Variants in KAZN observed in about 807,000 individuals in gnomAD.
KAZN encodes kazrin.
A neutral mutation model predicts 87.4 loss-of-function variants in KAZN; 40 were observed. The ratio of observed to expected loss-of-function variants is 0.46; its 90% CI spans 0.36 to 0.60. KAZN has a LOEUF of 0.60. KAZN is among the 20% of genes least tolerant of loss of function. The pLI, the probability that KAZN is intolerant of heterozygous loss-of-function variation, is 0.00. For missense variants in KAZN, 898 were observed against 1,073.9 expected (o/e 0.84, Z 2.29); for synonymous variants, 466 against 458.3 (o/e 1.02, Z -0.22).
intron 2 of KAZN, among the ~76,000 whole-genome samples, chr1:15,004,031 T>G (rs979467048): frequency 2.0e-5 from 3 of 152,188 alleles, no homozygotes; most frequent in Non-Finnish European, 4.4e-5. Flanking sequence ...GATTGTCTTC[T>G]GTTCTTGGCA....
chr1:13,996,424 A>G (rs898310691), intron 1 of KAZN, among the ~76,000 whole-genome samples: 1 of 152,122 alleles, frequency 6.6e-6, no homozygotes, highest in Non-Finnish European at 1.5e-5. Context: ...AGGACCCACA[A>G]CAGCCTAACA....
intron 1 of KAZN, among the ~76,000 whole-genome samples, chr1:14,175,609 CA>C (rs1348250928): frequency 6.6e-6 from 1 of 152,118 alleles, no homozygotes; most frequent in Non-Finnish European, 1.5e-5. Context: ...GTAGTGTACG[CA>C]AAAGAAAGAA....
At chr1:14,476,223 C>A (rs974737968) in intron 2 of KAZN, among the ~76,000 whole-genome samples, 3 of 152,206 alleles carry the variant, frequency 2.0e-5, no homozygotes, top group African/African-American at 7.2e-5. Flanking sequence ...CATTTCTCAG[C>A]ATTATTTACT....
At chr1:14,881,749 C>A (rs1235394627) in intron 1 of KAZN, among the ~76,000 whole-genome samples, 1 of 152,180 alleles carries the variant, frequency 6.6e-6, no homozygotes, top group East Asian at 1.9e-4. Flanking sequence ...TCATATGAAC[C>A]ATTTTGAATC....
chr1:14,359,049 G>C (rs1659278006), intron 2 of KAZN, among the ~76,000 whole-genome samples: 2 of 152,060 alleles, frequency 1.3e-5, no homozygotes, highest in Admixed American at 1.3e-4. Context: ...ATTATTGTGT[G>C]GGAGTCTAAG....
intron 1 of KAZN, among the ~76,000 whole-genome samples, chr1:14,840,948 A>AGG (rs1211671559): frequency 6.6e-6 from 1 of 152,190 alleles, no homozygotes; most frequent in Non-Finnish European, 1.5e-5. Flanking sequence ...AGAGAGAGAG[A>AGG]TAAGTGGAAA....
At chr1:14,446,068 C>T (rs1439136556) in intron 2 of KAZN, among the ~76,000 whole-genome samples, 1 of 151,868 alleles carries the variant, frequency 6.6e-6, no homozygotes, top group African/African-American at 2.4e-5. Flanking sequence ...TGCTGGTGCA[C>T]ACCTGTAGGC....
chr1:14,877,182 A>G (rs1300379855), intron 1 of KAZN, among the ~76,000 whole-genome samples: 5 of 151,656 alleles, frequency 3.3e-5, no homozygotes, highest in Admixed American at 3.3e-4. Flanking sequence ...TCTTCTCACC[A>G]CCAATCTCGT....
chr1:15,050,528 G>C (rs1674280206), intron 4 of KAZN, among the ~76,000 whole-genome samples: 1 of 152,182 alleles, frequency 6.6e-6, no homozygotes, highest in Non-Finnish European at 1.5e-5. Flanking sequence ...GAAGCAGGAG[G>C]GCTTGGCCAA....
At chr1:14,765,053 G>A (rs1277726937) in intron 1 of KAZN, among the ~76,000 whole-genome samples, 1 of 152,168 alleles carries the variant, frequency 6.6e-6, no homozygotes, top group Admixed American at 6.5e-5. Context: ...CAGGCTCCAA[G>A]ACTAGTGCTT....
intron 1 of KAZN, among the ~76,000 whole-genome samples, chr1:13,989,241 T>C (rs74373566): frequency 6.6e-6 from 1 of 152,066 alleles, no homozygotes; most frequent in Non-Finnish European, 1.5e-5. Flanking sequence ...ATGTTTCCAA[T>C]GTAGGCTTTT....
At chr1:14,499,414 C>T (rs1419433490) in intron 2 of KAZN, among the ~76,000 whole-genome samples, 1 of 152,190 alleles carries the variant, frequency 6.6e-6, no homozygotes, top group Admixed American at 6.5e-5. Context: ...GCCATGGGAT[C>T]GATTCCTCCT....
At chr1:14,344,911 C>A (rs947589940) in intron 2 of KAZN, among the ~76,000 whole-genome samples, 3 of 151,098 alleles carry the variant, frequency 2.0e-5, no homozygotes, top group Non-Finnish European at 4.4e-5. Flanking sequence ...ATTGCCATCC[C>A]CTCTTCTTTT....
chr1:14,365,783 T>C (rs1334987626), intron 2 of KAZN, among the ~76,000 whole-genome samples: 3 of 152,216 alleles, frequency 2.0e-5, no homozygotes, highest in Non-Finnish European at 4.4e-5. Flanking sequence ...TAAAAAATAA[T>C]ACTTTCTAGA....
At chr1:14,501,632 G>A (rs990956482) in intron 2 of KAZN, among the ~76,000 whole-genome samples, 5 of 152,132 alleles carry the variant, frequency 3.3e-5, no homozygotes, top group African/African-American at 1.2e-4. Flanking sequence ...ACATGTTGAT[G>A]GAAATTAAGG....
intron 2 of KAZN, among the ~76,000 whole-genome samples, chr1:14,232,183 A>C (rs1481632911): frequency 1.3e-5 from 2 of 152,208 alleles, no homozygotes; most frequent in East Asian, 3.9e-4. Context: ...GATTGCTGCT[A>C]TCACACCAGG....
intron 1 of KAZN, among the ~76,000 whole-genome samples, chr1:14,621,801 C>G (rs1678716822): frequency 6.6e-6 from 1 of 152,202 alleles, no homozygotes; most frequent in Non-Finnish European, 1.5e-5. Flanking sequence ...TGCCTTCTGC[C>G]ATGACTGTGA....
At chr1:15,010,912 G>A (rs1195740753) in intron 2 of KAZN, among the ~76,000 whole-genome samples, 1 of 152,114 alleles carries the variant, frequency 6.6e-6, no homozygotes, top group Non-Finnish European at 1.5e-5. Context: ...TTATTTACCA[G>A]TCAGAATAAT....
chr1:14,698,577 G>A (rs1034887961), intron 1 of KAZN, among the ~76,000 whole-genome samples: 7 of 152,296 alleles, frequency 4.6e-5, no homozygotes, highest in Middle Eastern at 6.8e-3. Context: ...CCACAGAGCC[G>A]CCCAGTGTTT....
Sources: allele counts gnomAD v4.1 joint callset (sites outside exome capture counted in the v4.1 genomes callset), GRCh38; gene constraint gnomAD v4.1.1; transcripts MANE v1.5; gene names NCBI Gene and HGNC (gene_info 2026-07-23, HGNC 2026-07-21).